TMCO4: variants seen among roughly 807,000 people sequenced by gnomAD.
The protein encoded by TMCO4 is transmembrane and coiled-coil domain-containing protein 4.
A neutral mutation model predicts 64.7 loss-of-function variants in TMCO4; 58 were observed. That is an observed-to-expected ratio of 0.90 (90% CI 0.73 to 1.12). The LOEUF (loss-of-function observed/expected upper bound fraction) is 1.12. TMCO4 is among the 50% of genes most tolerant of loss of function. The pLI, the probability that TMCO4 is intolerant of heterozygous loss-of-function variation, is 0.00. For missense variants in TMCO4, 780 were observed against 825.9 expected (o/e 0.94, Z 0.68); for synonymous variants, 325 against 346.1 (o/e 0.94, Z 0.68).
chr1:19,751,844 C>T (rs1486406831), intron 7 of TMCO4, among the ~76,000 whole-genome samples: 2 of 151,954 alleles, frequency 1.3e-5, no homozygotes, highest in East Asian at 1.9e-4. Flanking sequence ...GTCAGGAGAT[C>T]GAGACCATCC....
chr1:19,725,261 T>C (rs2095403901), intron 13 of TMCO4, among the ~76,000 whole-genome samples: 1 of 152,178 alleles, frequency 6.6e-6, no homozygotes, highest in Non-Finnish European at 1.5e-5. Context: ...GCTCAGCGTG[T>C]CTTGTCAACT....
chr1:19,741,055 G>T, intron 10 of TMCO4, 114 bp from the exon 11 acceptor site: 1 of 1,142,594 alleles, frequency 8.8e-7, no homozygotes, highest in Non-Finnish European at 1.2e-6. Flanking sequence ...AAGACAAGAG[G>T]CCCACCCCCT....
intron 4 of TMCO4, 151 bp downstream of exon 4, chr1:19,780,429 G>T: frequency 1.1e-6 from 1 of 911,624 alleles, no homozygotes; most frequent in Non-Finnish European, 1.6e-6. Flanking sequence ...ACTGGTCCAC[G>T]GCCTGGAGGT....
intron 15 of TMCO4, among the ~76,000 whole-genome samples, chr1:19,685,710 CTTTTTTTTT>C (rs55783904): frequency 5.6e-5 from 6 of 106,616 alleles, no homozygotes; most frequent in African/African-American, 1.6e-4. Context: ...AGGCCTGTTT[CTTTTTTTTT>C]TTTTTTTTTT....
At position 19,743,302 on chromosome 1, in the gene TMCO4, T is replaced by A. The variant is rs1364196743; in HGVS notation, c.877+2230A>T. ...GTGAGGAGCTAAATGAGCCAGTGCA[T>A]AGGAAGGGCTTGGTGGTTGGCTACA... On this transcript the variant is annotated intron_variant, in intron 10 of 15. Coordinates refer to ENST00000294543, the MANE Select transcript of TMCO4 (RefSeq NM_181719.7). This position sits in a 1 kb window ranked among gnomAD's most constrained non-coding sequence, Gnocchi z 4.1. Among the ~76,000 whole-genome samples the A allele has an allele frequency of 6.6e-6, 1 of 152,090 alleles. No individual in the cohort carries two copies. The highest frequency in any genetic ancestry group is 2.4e-5 in the African/African-American group (1 of 41,412).
chr1:19,781,640 T>TC (rs1442108603), intron 3 of TMCO4, among the ~76,000 whole-genome samples: 1 of 143,818 alleles, frequency 7.0e-6, no homozygotes, highest in Non-Finnish European at 1.5e-5. Context: ...AACAGAACTT[T>TC]CTTTTTTTTT....
intron 6 of TMCO4, among the ~76,000 whole-genome samples, chr1:19,768,860 A>G (rs1430973457): frequency 1.3e-5 from 2 of 152,184 alleles, no homozygotes; most frequent in Non-Finnish European, 2.9e-5. Flanking sequence ...ACCTCCCAGC[A>G]GTGCCGATGC....
intron 4 of TMCO4, among the ~76,000 whole-genome samples, chr1:19,779,547 A>G (rs2043360665): frequency 1.3e-5 from 2 of 152,210 alleles, no homozygotes; most frequent in Admixed American, 1.3e-4. Context: ...AGGTACTGTC[A>G]ATGATAGAGA....
At chr1:19,740,629 A>G in intron 11 of TMCO4, 148 bp downstream of exon 11, 1 of 857,798 alleles carries the variant, frequency 1.2e-6, no homozygotes. Context: ...CTTCCCCCAG[A>G]CAGGAATGCG....
chr1:19,799,658 G>C (rs2044505029), intron 1 of TMCO4, among the ~76,000 whole-genome samples, 197 bp downstream of exon 1: 1 of 152,202 alleles, frequency 6.6e-6, no homozygotes, highest in Non-Finnish European at 1.5e-5. Flanking sequence ...CAGGCGGCCT[G>C]GGCTTAGGGC....
Position 19,742,621 on chromosome 1 carries a change from G to A in TMCO4, c.878-1680C>T, listed in dbSNP as rs542876141. 9.8e-5 allele frequency among the ~76,000 whole-genome samples: 15 copies of A among 152,290 alleles called. No individual in the cohort carries two copies. The South Asian group carries it at 2.3e-3, about 23-fold the overall frequency. On this transcript the variant is annotated intron_variant, in intron 10 of 15. Transcript: ENST00000294543. Reference sequence around the variant, plus strand: ...AGAGAGGAGATGGGCACAGGACAGCGAGAAGCACAGGCTTGATGTCAGCCT... The same window carrying A: ...AGAGAGGAGATGGGCACAGGACAGCAAGAAGCACAGGCTTGATGTCAGCCT...
rs183841115 is a variant in TMCO4, at chr1:19,687,512, A to T, written c.1501-4068T>A. On this transcript the variant is annotated intron_variant, in intron 15 of 15. Transcript: ENST00000294543. ...GCACCCCAGGAGGTACTCTGTAAATATGAGTTCCCTTACCTTAGTTTCCTA... is the reference window on the plus strand; with the variant it reads ...GCACCCCAGGAGGTACTCTGTAAATTTGAGTTCCCTTACCTTAGTTTCCTA... Among the ~76,000 whole-genome samples, 4 of 152,302 alleles carry T rather than the reference A, an allele frequency of 2.6e-5. No homozygotes were observed. The South Asian group carries it at 6.2e-4, about 24-fold the overall frequency.
At chr1:19,686,829 TGA>T (rs2095153040) in intron 15 of TMCO4, among the ~76,000 whole-genome samples, 1 of 152,210 alleles carries the variant, frequency 6.6e-6, no homozygotes. Context: ...ATCTGTAAAA[TGA>T]GAGTCATGAC....
chr1:19,799,619 T>C (rs1414114315), intron 1 of TMCO4, among the ~76,000 whole-genome samples: 1 of 152,136 alleles, frequency 6.6e-6, no homozygotes, highest in Non-Finnish European at 1.5e-5. Flanking sequence ...TAAAAGCACT[T>C]CCGGCTCTGA....
chr1:19,716,381 C>CTT (rs1262772167), intron 13 of TMCO4, among the ~76,000 whole-genome samples: 3,833 of 124,380 alleles, frequency 0.031, 54 homozygotes, highest in African/African-American at 0.035. Flanking sequence ...TTTTTTCTTT[C>CTT]TTTTTTTTTT....
chr1:19,786,126 T>C (rs776595525), intron 3 of TMCO4, among the ~76,000 whole-genome samples: 9 of 152,132 alleles, frequency 5.9e-5, no homozygotes, highest in Non-Finnish European at 1.2e-4. Flanking sequence ...AGCATACCTG[T>C]GGTCCCAGCT....
chr1:19,776,380 G>A (rs944432528), intron 4 of TMCO4, among the ~76,000 whole-genome samples: 1 of 152,168 alleles, frequency 6.6e-6, no homozygotes, highest in African/African-American at 2.4e-5. Flanking sequence ...TTGTGGAGTG[G>A]GGGTGGGAGA....
chr1:19,703,437 C>A (rs1557478782), intron 13 of TMCO4, among the ~76,000 whole-genome samples: 2 of 151,472 alleles, frequency 1.3e-5, no homozygotes, highest in Non-Finnish European at 2.9e-5. Flanking sequence ...CTTTTTCTTT[C>A]CCTTCCCTTC....
At chr1:19,718,871 A>G (rs116281102) in intron 13 of TMCO4, among the ~76,000 whole-genome samples, 6 of 152,236 alleles carry the variant, frequency 3.9e-5, no homozygotes, top group Non-Finnish European at 2.9e-5. Flanking sequence ...GGCGGCACCA[A>G]CTAAAAATCA....
Sources: allele counts gnomAD v4.1 joint callset (sites outside exome capture counted in the v4.1 genomes callset), GRCh38; gene constraint gnomAD v4.1.1; non-coding constraint Gnocchi (gnomAD v3.1); transcripts MANE v1.5; gene names NCBI Gene and HGNC (gene_info 2026-07-23, HGNC 2026-07-21).